Variants in DOCK6 observed in about 807,000 individuals in gnomAD.
The protein encoded by DOCK6 is dedicator of cytokinesis 6, also known as dedicator of cytokinesis protein 6.
DOCK6 carries 167 observed loss-of-function variants against 230.3 expected under a neutral mutation model. That is an observed-to-expected ratio of 0.73 (90% CI 0.64 to 0.82). DOCK6 has a LOEUF of 0.82. DOCK6 is among the 40% of genes least tolerant of loss of function. DOCK6 has a pLI of 0.00. For missense variants in DOCK6, 2,598 were observed against 2,825.8 expected (o/e 0.92, Z 1.83); for synonymous variants, 1,148 against 1,185.0 (o/e 0.97, Z 0.64).
At chr19:11,214,942 A>ATT (rs141146699) in intron 32 of DOCK6, among the ~76,000 whole-genome samples, 14 of 127,124 alleles carry the variant, frequency 1.1e-4, no homozygotes, top group African/African-American at 3.6e-4. Flanking sequence ...TGCCTGGCTA[A>ATT]TTTTTTTTTT....
intron 1 of DOCK6, 53 bp from the exon 2 acceptor site, chr19:11,253,779 C>A (rs184187067): frequency 6.5e-6 from 8 of 1,224,564 alleles, no homozygotes; most frequent in Non-Finnish European, 1.1e-6. Flanking sequence ...GGCAGCGGAG[C>A]GGACAGATTC....
chr19:11,215,324 C>T, intron 32 of DOCK6, 63 bp downstream of exon 32: 9 of 1,466,698 alleles, frequency 6.1e-6, no homozygotes, highest in Non-Finnish European at 8.6e-6. Flanking sequence ...TGGACTCAAG[C>T]AATCCTCCTG....
rs752179590 is a variant in DOCK6 at position 11,213,265 on chromosome 19, G to A, written c.4402C>T (p.Arg1468Ter). The change falls in exon 35 of 48, where the codon CGA (arginine) becomes TGA (stop). Residue 1468 changes from arginine (R) to a stop codon, truncating the protein, a stop_gained. Coordinates refer to ENST00000294618, the MANE Select transcript of DOCK6 (RefSeq NM_020812.4). LOFTEE classifies it high-confidence loss of function. The part of the protein sequence containing the change: ...LCADLCLRLL[R>*]HCGSRISTIR... ...GTGCTGATGCGGCTGCCACAGTGTC[G>A]TAGGAGCCTCAGGCACAGGTCGGCA... The A allele has an allele frequency of 3.1e-6, 5 of 1,613,024 alleles. No individual in the cohort carries two copies. In the South Asian group the frequency reaches 4.4e-5, roughly 14 times the overall value.
At chr19:11,218,874 C>CT (rs74180011) in intron 28 of DOCK6, among the ~76,000 whole-genome samples, 1,487 of 104,974 alleles carry the variant, frequency 0.014, 36 homozygotes, top group South Asian at 0.023. Context: ...AAAAAAATCA[C>CT]TTTTTTTTTT....
intron 22 of DOCK6, chr19:11,232,425 C>T (rs1437287792): frequency 2.5e-5 from 15 of 594,510 alleles, no homozygotes; most frequent in Non-Finnish European, 3.1e-5. Context: ...AAAATGTGCA[C>T]GTGTATATAG....
intron 31 of DOCK6, 88 bp downstream of exon 31, chr19:11,215,713 C>T: frequency 6.3e-7 from 1 of 1,593,774 alleles, no homozygotes; most frequent in Non-Finnish European, 8.6e-7. Flanking sequence ...AGAAAGTAAG[C>T]TAGGGATGGC....
chr19:11,230,297 C>A (rs2079743743), intron 22 of DOCK6, among the ~76,000 whole-genome samples: 1 of 152,124 alleles, frequency 6.6e-6, no homozygotes, highest in Admixed American at 6.5e-5. Context: ...CGAGATTGCA[C>A]CATTGCACTC....
At chr19:11,233,077 A>C (rs762061837) in intron 22 of DOCK6, 126 bp downstream of exon 22, 9 of 1,318,584 alleles carry the variant, frequency 6.8e-6, no homozygotes, top group Admixed American at 2.2e-5. Context: ...TCTGCTGCCC[A>C]GAGTGACGCC....
intron 1 of DOCK6, among the ~76,000 whole-genome samples, chr19:11,256,269 G>A (rs952878600): frequency 1.3e-5 from 2 of 152,208 alleles, no homozygotes; most frequent in African/African-American, 4.8e-5. Context: ...TACAAAAGAT[G>A]CTGGGACAGG....
At position 11,243,594 on chromosome 19, in the gene DOCK6, G is replaced by A. The variant is rs1161893656; in HGVS notation, c.1221C>T (p.Ser407=). ...TAVHLANIVS[S]AGQLDRDSDS... ...CAGAGTCCCGGTCCAGCTGCCCAGC[G>A]CTGCTCACGATGTTGGCCAAGTGCA... The change falls in exon 11 of 48, where the codon AGC becomes AGT. Residue 407 remains serine (S), a synonymous_variant. Coordinates refer to ENST00000294618, the MANE Select transcript of DOCK6 (RefSeq NM_020812.4). The surrounding 1 kb of genome is among the most constrained non-coding windows in gnomAD (Gnocchi z 6.3). The A allele has an allele frequency of 1.2e-6, 2 of 1,609,700 alleles. No individual in the cohort carries two copies. The highest frequency in any genetic ancestry group is 1.1e-5 in the South Asian group (1 of 90,486).
chr19:11,229,523 A>C, intron 22 of DOCK6: 1 of 268,060 alleles, frequency 3.7e-6, no homozygotes, highest in Non-Finnish European at 5.8e-6. Context: ...AGAGAGAGAA[A>C]TGCTTCCACA....
chr19:11,233,366 C>G lies in DOCK6; in HGVS notation c.2555G>C (p.Gly852Ala), dbSNP rs2079799168. The part of the protein sequence containing the change: ...LPGTEPSLPD[G>A]APPVTVQAAT... ...AGCCTGCACTGTCACTGGAGGGGCC[C>G]CTGAGGATGGAGTGAATAGGGTCAA... Residue 852 changes from glycine (G) to alanine (A), a missense_variant and splice_region_variant, in exon 22 of 48, where the codon GGG becomes GCG. Gly to Ala is a moderately conservative substitution (Grantham distance 60). Coordinates refer to ENST00000294618, the MANE Select transcript of DOCK6 (RefSeq NM_020812.4). The G allele has an allele frequency of 6.2e-7, 1 of 1,612,458 alleles. No individual in the cohort carries two copies. Among genetic ancestry groups the G allele is most frequent in the African/African-American group, 1.3e-5 (1 of 74,856 alleles).
At chr19:11,232,441 T>C (rs1291669396) in intron 22 of DOCK6, among the ~76,000 whole-genome samples, 1 of 152,100 alleles carries the variant, frequency 6.6e-6, no homozygotes, top group Non-Finnish European at 1.5e-5. Context: ...TATAGGTCCA[T>C]TGGGTGCATG....
rs377755210 is a variant in DOCK6 at position 11,212,095 on chromosome 19, C to T, written c.4548G>A (p.Thr1516=). Residue 1516 remains threonine, a synonymous_variant, in exon 36 of 48, where the codon ACG becomes ACA. Coordinates refer to ENST00000294618, the MANE Select transcript of DOCK6 (RefSeq NM_020812.4). ...VTMSLSSLVG[T]TQNFSEEHLR... is the part of the protein sequence containing the mutation. ...GGTGCTCTTCACTGAAGTTCTGCGTCGTCCCCACCAGGGACGAGAGAGACA... is the reference window on the plus strand; with the variant it reads ...GGTGCTCTTCACTGAAGTTCTGCGTTGTCCCCACCAGGGACGAGAGAGACA... The T allele has an allele frequency of 1.1e-4, 184 of 1,612,306 alleles. No individual in the cohort carries two copies. The African/African-American group carries it at 2.2e-3, about 19-fold the overall frequency.
In DOCK6 at chr19:11,236,347, A is replaced by C. The variant is rs539690413; in HGVS notation, c.2391T>G (p.Ile797Met). The C allele has an allele frequency of 6.5e-7, 1 of 1,549,354 alleles. No individual in the cohort carries two copies. Among genetic ancestry groups the C allele is most frequent in the South Asian group, 1.2e-5 (1 of 84,190 alleles). ...AGGTCTGAGGCCACATTCGCTTACCAATCTGGCCACTGATGATCGGGGGCC... is the reference window on the plus strand; with the variant it reads ...AGGTCTGAGGCCACATTCGCTTACCCATCTGGCCACTGATGATCGGGGGCC... ...VIRPPIISGQIVNLGRGAFEA... is the reference protein window; with the variant it reads ...VIRPPIISGQMVNLGRGAFEA... The change falls in exon 20 of 48, where the codon ATT becomes ATG. Residue 797 changes from isoleucine to methionine, a missense_variant and splice_region_variant. Ile to Met is a conservative substitution (Grantham distance 10, BLOSUM62 1). Transcript: ENST00000294618. This position sits in a 1 kb window ranked among gnomAD's most constrained non-coding sequence, Gnocchi z 5.2.
At chr19:11,253,436 G>A (rs955879545) in intron 2 of DOCK6, among the ~76,000 whole-genome samples, 10 of 152,102 alleles carry the variant, frequency 6.6e-5, no homozygotes, top group African/African-American at 1.9e-4. Context: ...GACAAGCAGC[G>A]GCAGGGAGAG....
chr19:11,229,637 G>A (rs2079731632), intron 22 of DOCK6, among the ~76,000 whole-genome samples: 1 of 152,020 alleles, frequency 6.6e-6, no homozygotes, highest in Admixed American at 6.6e-5. Context: ...GGGTGCTGTG[G>A]GAGTAGACGG....
intron 5 of DOCK6, 69 bp from the exon 6 acceptor site, chr19:11,251,155 G>T: frequency 7.0e-7 from 1 of 1,429,648 alleles, no homozygotes; most frequent in Non-Finnish European, 9.6e-7. Flanking sequence ...TGGTGAGAGT[G>T]TCCTCATACT....
At position 11,216,943 on chromosome 19, in the gene DOCK6, A is replaced by G. The variant is rs1420409284; in HGVS notation, c.3865T>C (p.Tyr1289His). Residue 1289 changes from tyrosine to histidine, a missense_variant, in exon 30 of 48, where the codon TAC becomes CAC. Physicochemically the swap from Tyr to His is moderately conservative, Grantham distance 83. Transcript: ENST00000294618. ...PQLGRLLDLL[Y>H]LCLAAFEYKG... The stretch of plus-strand genomic sequence containing the variant: ...TACTCAAAGGCAGCTAGGCAAAGGT[A>G]CAGCAAATCCAACAGACGTCCCAGC... The G allele has an allele frequency of 6.2e-7, 1 of 1,613,650 alleles. No individual in the cohort carries two copies. Among genetic ancestry groups the G allele is most frequent in the African/African-American group, 1.3e-5 (1 of 74,920 alleles).
Sources: gnomAD v4.1 joint callset for allele counts (sites outside exome capture counted in the v4.1 genomes callset) on GRCh38, gnomAD v4.1.1 for gene constraint, Gnocchi (gnomAD v3.1) non-coding constraint, MANE v1.5 for transcripts, NCBI Gene and HGNC (gene_info 2026-07-23, HGNC 2026-07-21) for gene names.